Variants in SGK3 observed in about 807,000 individuals in gnomAD.
SGK3 encodes the protein serine/threonine-protein kinase Sgk3.
In SGK3, 47 loss-of-function variants were observed where a neutral mutation model predicts 68.5. The ratio of observed to expected loss-of-function variants is 0.69; its 90% CI spans 0.54 to 0.87. SGK3 has a LOEUF of 0.87. Among genes scored for constraint, SGK3 ranks in the 40% least tolerant of loss-of-function variants. The pLI is 0.00. For synonymous variants in SGK3, 181 were observed against 189.1 expected (o/e 0.96, Z 0.35); for missense variants, 479 against 575.5 (o/e 0.83, Z 1.72).
At chr8:66,808,616 C>T (rs1452587943) in intron 4 of SGK3, among the ~76,000 whole-genome samples, 1 of 150,772 alleles carries the variant, frequency 6.6e-6, no homozygotes, top group Non-Finnish European at 1.5e-5. Flanking sequence ...TGAGTTCAGG[C>T]GATTCTCCTG....
chr8:66,861,651 C>T lies in SGK3; in HGVS notation c.*2070C>T, dbSNP rs1362121146. 2 of 152,122 alleles carry T rather than the reference C, an allele frequency of 1.3e-5. No homozygotes were observed. The highest frequency in any genetic ancestry group is 2.9e-5 in the Non-Finnish European group (2 of 68,026). 9.4% of individuals were successfully genotyped at this position (152,122 alleles called of 1,614,324 possible). Reference sequence around the variant, plus strand: ...AGAAAGAAATCACAGAAGCATTTCTCACCAATACTCTTTGGCTTAAAATGT... The same window carrying T: ...AGAAAGAAATCACAGAAGCATTTCTTACCAATACTCTTTGGCTTAAAATGT... On this transcript the variant is annotated 3_prime_UTR_variant, in exon 17 of 17. Coordinates refer to ENST00000521198, the MANE Select transcript of SGK3 (RefSeq NM_001033578.3).
Position 66,793,746 on chromosome 8 carries a change from G to C in SGK3, c.10G>C (p.Asp4His). 1 of 1,613,034 alleles carries C rather than the reference G, an allele frequency of 6.2e-7. No individual in the cohort carries two copies. Among genetic ancestry groups the C allele is most frequent in the Non-Finnish European group, 8.5e-7 (1 of 1,179,380 alleles). ...GCTCTTGAGGGATTAAATGCAAAGA[G>C]ATCACACCATGGACTACAAGGAAAG... MQR[D>H]HTMDYKESCP... The change falls in exon 2 of 17, where the codon GAT becomes CAT. Residue 4 changes from aspartate (D) to histidine (H), a missense_variant. Coordinates refer to ENST00000521198, the MANE Select transcript of SGK3 (RefSeq NM_001033578.3).
At chr8:66,720,096 T>C (rs1804753699) in intron 1 of SGK3, among the ~76,000 whole-genome samples, 1 of 152,242 alleles carries the variant, frequency 6.6e-6, no homozygotes, top group Non-Finnish European at 1.5e-5. Flanking sequence ...TGGAAATTTA[T>C]ACTACCGCTC....
At chr8:66,784,626 C>T (rs2130539808) in intron 1 of SGK3, among the ~76,000 whole-genome samples, 1 of 151,986 alleles carries the variant, frequency 6.6e-6, no homozygotes, top group East Asian at 1.9e-4. Context: ...GAAACAAAGA[C>T]AGGCAATACC....
intron 1 of SGK3, among the ~76,000 whole-genome samples, chr8:66,733,394 G>GT (rs1404218970): frequency 6.6e-6 from 1 of 152,182 alleles, no homozygotes; most frequent in Non-Finnish European, 1.5e-5. Flanking sequence ...TCATGTGGCA[G>GT]TCACCCCTGT....
At chr8:66,815,059 G>A (rs377535771) in intron 5 of SGK3, among the ~76,000 whole-genome samples, 11 of 152,174 alleles carry the variant, frequency 7.2e-5, no homozygotes, top group African/African-American at 2.4e-4. Context: ...CAGTCTTTTC[G>A]GAACCACAAC....
intron 1 of SGK3, among the ~76,000 whole-genome samples, chr8:66,759,623 T>C (rs1158005254): frequency 6.6e-6 from 1 of 151,910 alleles, no homozygotes; most frequent in Non-Finnish European, 1.5e-5. Flanking sequence ...GTAGAGACGT[T>C]GTTTCACCAT....
chr8:66,801,851 T>G (rs555070804), intron 3 of SGK3, among the ~76,000 whole-genome samples: 84 of 152,342 alleles, frequency 5.5e-4, no homozygotes, highest in African/African-American at 1.9e-3. Flanking sequence ...ACACCGGTAG[T>G]GTGTGTTCAT....
At chr8:66,839,539 A>ATATATATG (rs1563654617) in intron 10 of SGK3, among the ~76,000 whole-genome samples, 48 of 69,812 alleles carry the variant, frequency 6.9e-4, no homozygotes, top group Non-Finnish European at 1.1e-3. Context: ...ATATATATAT[A>ATATATATG]TATATATATA....
chr8:66,836,860 C>T (rs1361567219), intron 10 of SGK3, among the ~76,000 whole-genome samples: 3 of 150,886 alleles, frequency 2.0e-5, no homozygotes, highest in Admixed American at 6.6e-5. Context: ...CAGCCTCAAC[C>T]TCCTCAAATT....
At chr8:66,854,267 T>C (rs1452554617) in intron 16 of SGK3, among the ~76,000 whole-genome samples, 1 of 152,204 alleles carries the variant, frequency 6.6e-6, no homozygotes, top group Admixed American at 6.5e-5. Context: ...TTATTACATA[T>C]AAAATTTTGG....
At chr8:66,720,781 T>TTATATATATATATATATATATATATATA (rs758419858) in intron 1 of SGK3, among the ~76,000 whole-genome samples, 26 of 146,316 alleles carry the variant, frequency 1.8e-4, no homozygotes, top group African/African-American at 6.6e-4. Context: ...AAAAAAAAAA[T>TTATATATATATATATATATATATATATA]TATATATATA....
rs1229903276 is a variant in SGK3, at chr8:66,720,779, A to ATT, written c.-122+7946_-122+7947insTT. 4.8e-3 allele frequency among the ~76,000 whole-genome samples: 701 copies of ATT among 146,234 alleles called. 8 individuals carry two copies. Among genetic ancestry groups the ATT allele is most frequent in the African/African-American group, 0.018 (643 of 36,454 alleles). ...GAGCAAAACTCTGTCTCAAAAAAAAAATTATATATATATATAATTAGCCAG... is the reference window on the plus strand; with the variant it reads ...GAGCAAAACTCTGTCTCAAAAAAAAATTATTATATATATATATAATTAGCCAG... On this transcript the variant is annotated intron_variant, in intron 1 of 16. Transcript: ENST00000521198.
intron 1 of SGK3, among the ~76,000 whole-genome samples, chr8:66,769,124 A>G (rs1806418087): frequency 6.6e-6 from 1 of 152,134 alleles, no homozygotes; most frequent in African/African-American, 2.4e-5. Context: ...GTATTTTCCT[A>G]TCCCATCCTC....
At chr8:66,767,889 A>C in intron 1 of SGK3, 1 of 1,250,638 alleles carries the variant, frequency 8.0e-7, no homozygotes. Context: ...TTGAAACTTG[A>C]GATCTCCCAT....
intron 4 of SGK3, among the ~76,000 whole-genome samples, chr8:66,807,659 C>T (rs947678327): frequency 2.0e-5 from 3 of 152,166 alleles, no homozygotes; most frequent in Non-Finnish European, 4.4e-5. Flanking sequence ...TTTGGGGATA[C>T]AGGCATTCCC....
At chr8:66,768,227 CTTGT>C (rs1443699662) in intron 1 of SGK3, among the ~76,000 whole-genome samples, 1 of 152,036 alleles carries the variant, frequency 6.6e-6, no homozygotes, top group African/African-American at 2.4e-5. Context: ...TATTACTATT[CTTGT>C]TTGTTAACTT....
chr8:66,839,075 A>C (rs1809660622), intron 10 of SGK3, among the ~76,000 whole-genome samples: 1 of 152,038 alleles, frequency 6.6e-6, no homozygotes. Context: ...TTACCTGGGA[A>C]GGGTATTTGG....
intron 10 of SGK3, 76 bp from the exon 11 acceptor site, chr8:66,839,927 G>T: frequency 7.5e-7 from 1 of 1,324,728 alleles, no homozygotes; most frequent in Non-Finnish European, 1.1e-6. Context: ...TGTATTTACC[G>T]AATATATTTG....
Sources: gnomAD v4.1 joint callset for allele counts (sites outside exome capture counted in the v4.1 genomes callset) on GRCh38, gnomAD v4.1.1 for gene constraint, MANE v1.5 for transcripts, NCBI Gene and HGNC (gene_info 2026-07-23, HGNC 2026-07-21) for gene names.